Variants in ANO2 observed in about 807,000 individuals in gnomAD.
The protein encoded by ANO2 is anoctamin-2.
In ANO2, 101 loss-of-function variants were observed where a neutral mutation model predicts 124.2. The observed-to-expected ratio is 0.81, with a 90% CI of 0.69 to 0.96. ANO2 has a LOEUF of 0.96. ANO2 is among the 40% of genes least tolerant of loss of function. The pLI is 0.00. For missense variants in ANO2, 1,293 were observed against 1,274.5 expected, an observed-to-expected ratio of 1.01 and a Z score of -0.22; for synonymous variants, 486 against 482.5, an observed-to-expected ratio of 1.01 and a Z score of -0.09.
intron 16 of ANO2, among the ~76,000 whole-genome samples, chr12:5,619,254 C>T (rs936322429): frequency 3.3e-5 from 5 of 152,078 alleles, no homozygotes; most frequent in Admixed American, 6.6e-5. Flanking sequence ...ATTACTTTGC[C>T]GAGCATCTTC....
At chr12:5,661,119 C>T (rs527788002) in intron 14 of ANO2, among the ~76,000 whole-genome samples, 128 of 152,202 alleles carry the variant, frequency 8.4e-4, no homozygotes, top group Non-Finnish European at 1.5e-3. Context: ...CTGCCTCTAG[C>T]GAGCAGGCCA....
At chr12:5,614,219 C>G (rs1472294787) in intron 17 of ANO2, among the ~76,000 whole-genome samples, 2 of 152,202 alleles carry the variant, frequency 1.3e-5, no homozygotes, top group Non-Finnish European at 2.9e-5. Flanking sequence ...TTTCACTGGC[C>G]TTTGTCCCCG....
intron 16 of ANO2, among the ~76,000 whole-genome samples, chr12:5,629,985 G>A (rs1020035041): frequency 7.2e-5 from 11 of 152,196 alleles, no homozygotes; most frequent in East Asian, 1.9e-4. Flanking sequence ...TGCTGCTAGC[G>A]GTAGATATCA....
At position 5,656,913 on chromosome 12, in the gene ANO2, T is replaced by C. The variant is rs112884233; in HGVS notation, c.1546-9112A>G. On this transcript the variant is annotated intron_variant, in intron 14 of 24. Transcript: ENST00000682330. Reference sequence around the variant, plus strand: ...CTCATCCCTGTCTTCATGGACACTTTGTCTGCCTTGATTTCCCAGGACAGG... The same window carrying C: ...CTCATCCCTGTCTTCATGGACACTTCGTCTGCCTTGATTTCCCAGGACAGG... Among the ~76,000 whole-genome samples the C allele has an allele frequency of 4.8e-3, 738 of 152,320 alleles. 4 individuals are homozygous for C. Among genetic ancestry groups the C allele is most frequent in the African/African-American group, 0.017 (708 of 41,578 alleles).
At chr12:5,742,415 C>T (rs577931572) in intron 12 of ANO2, among the ~76,000 whole-genome samples, 5 of 147,982 alleles carry the variant, frequency 3.4e-5, no homozygotes, top group Non-Finnish European at 5.9e-5. Context: ...GAAGCTCTGG[C>T]GCAATCTCAC....
In ANO2 at chr12:5,906,347, T is replaced by TAA. The variant is rs751453765; in HGVS notation, c.534+14691_534+14692dup. Among the ~76,000 whole-genome samples, 533 of 132,720 alleles carry TAA rather than the reference T, an allele frequency of 4.0e-3. 21 individuals are homozygous for TAA. The East Asian group carries it at 0.081, about 20-fold the overall frequency. 87.1% of individuals were successfully genotyped at this position (132,720 alleles called of 152,430 possible). A position where few individuals can be genotyped will look rare whatever the true frequency, so the allele number is the denominator to read the frequency against. Reference sequence around the variant, plus strand: ...ATATTATCAATATGTCACACATTGTTAAAAAAAAAAAAAAAAGAAAAAGAA... The same window carrying TAA: ...ATATTATCAATATGTCACACATTGTTAAAAAAAAAAAAAAAAAAGAAAAAGAA... On this transcript the variant is annotated intron_variant, in intron 3 of 24. Coordinates refer to ENST00000682330, the MANE Select transcript of ANO2 (RefSeq NM_001364791.2).
chr12:5,643,160 C>T (rs1318826758), intron 15 of ANO2, among the ~76,000 whole-genome samples: 3 of 152,146 alleles, frequency 2.0e-5, no homozygotes, highest in Non-Finnish European at 2.9e-5. Flanking sequence ...CTCCCCCGTA[C>T]ACATACATGA....
chr12:5,563,229 T>C lies in ANO2; in HGVS notation c.*70A>G. The C allele has an allele frequency of 6.6e-7, 1 of 1,512,486 alleles. No individual in the cohort carries two copies. The highest frequency in any genetic ancestry group is 2.4e-5 in the East Asian group (1 of 40,834). 93.7% of individuals were successfully genotyped at this position (1,512,486 alleles called of 1,614,324 possible). On this transcript the variant is annotated 3_prime_UTR_variant, in exon 25 of 25. Transcript: ENST00000682330. ...GCAGACAGACAGCACGCCATGTGGG[T>C]GTAGGAACATGCTTACGTGCATGTG...
In ANO2 at chr12:5,748,888, AC is replaced by A. The variant is rs139490950; in HGVS notation, c.1190+1947del. On this transcript the variant is annotated intron_variant, in intron 11 of 24. Transcript: ENST00000682330. ...CACCCTCCAAAAAAAAAAAAAAAAA[AC>A]AAAACAAAACACTTGACAATTGATA... Among the ~76,000 whole-genome samples, 165 of 130,632 alleles carry A rather than the reference AC, an allele frequency of 1.3e-3. 1 individual carries two copies. Among genetic ancestry groups the A allele is most frequent in the African/African-American group, 4.0e-3 (137 of 34,486 alleles). 85.7% of individuals were successfully genotyped at this position (130,632 alleles called of 152,430 possible). A position where few individuals can be genotyped will look rare whatever the true frequency, so the allele number is the denominator to read the frequency against.
At chr12:5,893,602 T>A (rs1033293495) in intron 3 of ANO2, among the ~76,000 whole-genome samples, 1 of 151,950 alleles carries the variant, frequency 6.6e-6, no homozygotes, top group African/African-American at 2.4e-5. Context: ...CAACTCATCA[T>A]CTACATTAGG....
rs187554792 is a variant in ANO2, at chr12:5,804,449, A to G, written c.990+1603T>C. ...CCAAGACTGGCCAGCAAGCCCAAGG[A>G]AAGGCCACAAGAAAGGGTCATCTTG... is the stretch of plus-strand genomic sequence containing the variant. On this transcript the variant is annotated intron_variant, in intron 9 of 24. Coordinates refer to ENST00000682330, the MANE Select transcript of ANO2 (RefSeq NM_001364791.2). Among the ~76,000 whole-genome samples, 6 of 152,266 alleles carry G rather than the reference A, an allele frequency of 3.9e-5. No homozygotes were observed. In the East Asian group the frequency reaches 7.8e-4, roughly 20 times the overall value.
At position 5,908,410 on chromosome 12, in the gene ANO2, C is replaced by T. The variant is rs1411589545; in HGVS notation, c.534+12630G>A. On this transcript the variant is annotated intron_variant, in intron 3 of 24. Transcript: ENST00000682330. This position sits in a 1 kb window ranked among gnomAD's most constrained non-coding sequence, Gnocchi z 4.7. ...AATCAATTCCTGAGTGGAAACTCAACAAGGCAGTAATACGAACACCAGCAG... is the reference window on the plus strand; with the variant it reads ...AATCAATTCCTGAGTGGAAACTCAATAAGGCAGTAATACGAACACCAGCAG... Among the ~76,000 whole-genome samples, 1 of 148,854 alleles carries T rather than the reference C, an allele frequency of 6.7e-6. No homozygotes were observed. Among genetic ancestry groups the T allele is most frequent in the Non-Finnish European group, 1.5e-5 (1 of 68,032 alleles).
intron 3 of ANO2, among the ~76,000 whole-genome samples, chr12:5,869,063 C>T (rs1282531179): frequency 6.6e-6 from 1 of 152,108 alleles, no homozygotes; most frequent in Non-Finnish European, 1.5e-5. Context: ...AGATGGAAGA[C>T]AGGTGGCAAA....
At chr12:5,821,703 G>A (rs550476921) in intron 7 of ANO2, among the ~76,000 whole-genome samples, 15 of 152,298 alleles carry the variant, frequency 9.8e-5, no homozygotes, top group Admixed American at 3.3e-4. Flanking sequence ...GAAACTGAAC[G>A]TTTGACTATG....
At chr12:5,649,149 A>AGTTTGGGACCAGG (rs1946790724) in intron 14 of ANO2, among the ~76,000 whole-genome samples, 1 of 152,156 alleles carries the variant, frequency 6.6e-6, no homozygotes, top group Non-Finnish European at 1.5e-5. Context: ...ATCCCTGGTC[A>AGTTTGGGACCAGG]GTTTGGGAGT....
intron 3 of ANO2, among the ~76,000 whole-genome samples, chr12:5,892,689 A>G (rs1393415582): frequency 2.6e-5 from 4 of 152,212 alleles, no homozygotes; most frequent in Non-Finnish European, 2.9e-5. Context: ...CTGTGAAAAT[A>G]CCATTCAGGA....
chr12:5,626,126 A>T (rs1208237678), intron 16 of ANO2, among the ~76,000 whole-genome samples: 1 of 152,106 alleles, frequency 6.6e-6, no homozygotes, highest in African/African-American at 2.4e-5. Context: ...AAGGTTGGGG[A>T]GTGCATTTTG....
intron 3 of ANO2, among the ~76,000 whole-genome samples, chr12:5,906,664 G>A (rs1471310176): frequency 6.6e-6 from 1 of 151,982 alleles, no homozygotes; most frequent in Admixed American, 6.6e-5. Context: ...GCATGGTGGT[G>A]CGCACCTGTA....
At position 5,775,705 on chromosome 12, in the gene ANO2, C is replaced by A. The variant is rs145456186; in HGVS notation, c.1055+23802G>T. Among the ~76,000 whole-genome samples the A allele has an allele frequency of 5.1e-3, 779 of 152,250 alleles. 8 individuals carry two copies. Among genetic ancestry groups the A allele is most frequent in the African/African-American group, 0.018 (744 of 41,536 alleles). ...CTCGATCTTCTGACCTCGTGATCCA[C>A]CTGCCTCGGCCTCCCAAAGTGCATC... On this transcript the variant is annotated intron_variant, in intron 10 of 24. Coordinates refer to ENST00000682330, the MANE Select transcript of ANO2 (RefSeq NM_001364791.2).
Sources: allele counts gnomAD v4.1 joint callset (sites outside exome capture counted in the v4.1 genomes callset), GRCh38; gene constraint gnomAD v4.1.1; non-coding constraint Gnocchi (gnomAD v3.1); transcripts MANE v1.5; gene names NCBI Gene and HGNC (gene_info 2026-07-23, HGNC 2026-07-21).